Variants in CLIP2 observed in about 807,000 individuals in gnomAD.
The protein encoded by CLIP2 is CAP-Gly domain-containing linker protein 2.
Under a neutral mutation model 111.7 loss-of-function variants are expected in CLIP2, and 41 were observed. The observed-to-expected ratio is 0.37, with a 90% CI of 0.29 to 0.48. CLIP2 has a LOEUF of 0.48. Among genes scored for constraint, CLIP2 ranks in the 20% least tolerant of loss-of-function variants. The pLI, the probability that CLIP2 is intolerant of heterozygous loss-of-function variation, is 0.99. For synonymous variants in CLIP2, 660 were observed against 644.2 expected, an observed-to-expected ratio of 1.02 and a Z score of -0.37; for missense variants, 1,160 against 1,422.1, an observed-to-expected ratio of 0.82 and a Z score of 2.96.
At chr7:74,334,034 C>T (rs1255810245) in intron 2 of CLIP2, among the ~76,000 whole-genome samples, 1 of 152,116 alleles carries the variant, frequency 6.6e-6, no homozygotes, top group African/African-American at 2.4e-5. Flanking sequence ...AGAATGTCAG[C>T]GCTGGAAAGG....
At chr7:74,378,591 A>G (rs1484885126) in intron 10 of CLIP2, among the ~76,000 whole-genome samples, 1 of 152,184 alleles carries the variant, frequency 6.6e-6, no homozygotes, top group African/African-American at 2.4e-5. Flanking sequence ...ATAAAAAATT[A>G]GCCGAGTACA....
intron 3 of CLIP2, among the ~76,000 whole-genome samples, chr7:74,341,302 C>G (rs1789653389): frequency 6.6e-6 from 1 of 152,144 alleles, no homozygotes; most frequent in Non-Finnish European, 1.5e-5. Flanking sequence ...ATCCTCCTGC[C>G]TCAGCCTCCC....
intron 2 of CLIP2, among the ~76,000 whole-genome samples, chr7:74,320,742 G>T (rs1023899026): frequency 1.4e-4 from 22 of 152,128 alleles, no homozygotes; most frequent in African/African-American, 5.3e-4. Flanking sequence ...AAGCGTGAAT[G>T]AGCTCAGCCT....
intron 12 of CLIP2, among the ~76,000 whole-genome samples, chr7:74,388,105 A>G (rs1187766186): frequency 1.1e-4 from 16 of 151,978 alleles, no homozygotes; most frequent in Admixed American, 9.9e-4. Flanking sequence ...CGAAGCGGGT[A>G]GATCACCTGA....
chr7:74,290,651 G>T (rs1348395870), intron 1 of CLIP2, among the ~76,000 whole-genome samples: 12 of 152,220 alleles, frequency 7.9e-5, no homozygotes, highest in African/African-American at 2.9e-4. Context: ...GGATGAGGGG[G>T]TCTGCCGTCA....
At chr7:74,302,857 A>C (rs548936729) in intron 1 of CLIP2, among the ~76,000 whole-genome samples, 1 of 152,308 alleles carries the variant, frequency 6.6e-6, no homozygotes, top group African/African-American at 2.4e-5. Flanking sequence ...TGTCCCCACT[A>C]TCTGGATGGC....
At position 74,364,246 on chromosome 7, in the gene CLIP2, C is replaced by A; in HGVS notation, c.1320-9C>A. The A allele has an allele frequency of 6.2e-7, 1 of 1,612,216 alleles. No individual in the cohort carries two copies. The highest frequency in any genetic ancestry group is 8.5e-7 in the Non-Finnish European group (1 of 1,179,192). ...AGCCAGGTCAGCCACCTCTTTCCCTCCCCTGCAGGAAGGTGGAGGATCTGC... is the reference window on the plus strand; with the variant it reads ...AGCCAGGTCAGCCACCTCTTTCCCTACCCTGCAGGAAGGTGGAGGATCTGC... On this transcript the variant is annotated splice_polypyrimidine_tract_variant and intron_variant, in intron 7 of 16. Transcript: ENST00000223398.
intron 2 of CLIP2, among the ~76,000 whole-genome samples, chr7:74,324,411 G>A (rs1789056985): frequency 6.6e-6 from 1 of 152,168 alleles, no homozygotes; most frequent in Non-Finnish European, 1.5e-5. Context: ...TGGTTCCCTG[G>A]AGGGAACGGA....
chr7:74,314,052 G>T (rs1468675041), intron 1 of CLIP2, among the ~76,000 whole-genome samples: 1 of 151,826 alleles, frequency 6.6e-6, no homozygotes, highest in East Asian at 1.9e-4. Flanking sequence ...GCCTGGTGGC[G>T]GGCGCCTGTA....
intron 11 of CLIP2, among the ~76,000 whole-genome samples, chr7:74,385,737 CTTTTTTTTTTTT>C (rs869087670): frequency 4.2e-5 from 5 of 117,724 alleles, no homozygotes; most frequent in Non-Finnish European, 8.8e-5. Context: ...GTCGGGTCTT[CTTTTTTTTTTTT>C]TTTTTTTTTT....
chr7:74,397,888 C>T (rs1490954451), intron 14 of CLIP2, among the ~76,000 whole-genome samples: 1 of 151,394 alleles, frequency 6.6e-6, no homozygotes, highest in African/African-American at 2.4e-5. Context: ...AGGATGGTCT[C>T]GAACTCCTGA....
chr7:74,386,702 G>A, intron 12 of CLIP2, 98 bp downstream of exon 12: 1 of 920,940 alleles, frequency 1.1e-6, no homozygotes, highest in Non-Finnish European at 1.6e-6. Flanking sequence ...GCCTGGCTTA[G>A]GGTCCCCTCC....
chr7:74,400,163 A>C (rs1309313683), intron 14 of CLIP2, among the ~76,000 whole-genome samples: 2 of 151,334 alleles, frequency 1.3e-5, no homozygotes, highest in African/African-American at 4.8e-5. Context: ...AAAAAAAAAA[A>C]AAAAAAAGTC....
chr7:74,355,114 G>A (rs532775838), intron 4 of CLIP2, among the ~76,000 whole-genome samples: 13 of 152,314 alleles, frequency 8.5e-5, no homozygotes, highest in Non-Finnish European at 1.6e-4. Flanking sequence ...TGGTTGAGAC[G>A]AGGCTGTGAC....
chr7:74,305,863 C>CCCCCCCCCCCCCT (rs1788471287), intron 1 of CLIP2, among the ~76,000 whole-genome samples: 1 of 113,236 alleles, frequency 8.8e-6, no homozygotes, highest in Non-Finnish European at 1.7e-5. Flanking sequence ...CAACCCCCCC[C>CCCCCCCCCCCCCT]CACCGCCCCT....
At chr7:74,363,494 C>A (rs1262362046) in intron 7 of CLIP2, among the ~76,000 whole-genome samples, 1 of 152,196 alleles carries the variant, frequency 6.6e-6, no homozygotes, top group Non-Finnish European at 1.5e-5. Context: ...GTGATGAGAA[C>A]AAGATCAACA....
chr7:74,401,180 A>G (rs1554317566), intron 15 of CLIP2, among the ~76,000 whole-genome samples: 1 of 148,988 alleles, frequency 6.7e-6, no homozygotes, highest in East Asian at 2.1e-4. Flanking sequence ...TCCATCAGAA[A>G]TGGGAGGCAG....
chr7:74,360,887 A>G (rs1295010006), intron 7 of CLIP2, among the ~76,000 whole-genome samples: 6 of 151,656 alleles, frequency 4.0e-5, no homozygotes, highest in African/African-American at 2.4e-5. Flanking sequence ...CTGTTCCTGC[A>G]CTCTCCAGCA....
chr7:74,338,657 G>T lies in CLIP2; in HGVS notation c.331G>T (p.Val111Leu). Reference protein sequence around the residue: ...TQFAPGQWAGVVLDDPVGKND... With the variant: ...TQFAPGQWAGLVLDDPVGKND... ...GTTCGCACCGGGCCAGTGGGCTGGC[G>T]TGGTGCTGGACGACCCGGTGGGCAA... Residue 111 changes from valine (V) to leucine (L), a missense_variant, in exon 3 of 17, where the codon GTG (valine) becomes TTG (leucine). Physicochemically the swap from Val to Leu is conservative, Grantham distance 32. This residue lies in a region of CLIP2 where 301 missense variants were observed against 315.2 expected (regional missense o/e 0.96). Transcript: ENST00000223398. This position sits in a 1 kb window ranked among gnomAD's most constrained non-coding sequence, Gnocchi z 4.3. 1 of 1,573,428 alleles carries T rather than the reference G, an allele frequency of 6.4e-7. No homozygotes were observed. Among genetic ancestry groups the T allele is most frequent in the Non-Finnish European group, 8.6e-7 (1 of 1,162,350 alleles).
Sources: allele counts gnomAD v4.1 joint callset (sites outside exome capture counted in the v4.1 genomes callset), GRCh38; gene constraint gnomAD v4.1.1; regional missense constraint gnomAD v4.1.1; non-coding constraint Gnocchi (gnomAD v3.1); transcripts MANE v1.5; gene names NCBI Gene and HGNC (gene_info 2026-07-23, HGNC 2026-07-21).